Variants in C11orf52 observed in about 807,000 individuals in gnomAD.
C11orf52 encodes the protein chromosome 11 open reading frame 52.
C11orf52 carries 9 observed loss-of-function variants against 11.7 expected under a neutral mutation model. That is an observed-to-expected ratio of 0.77 (90% CI 0.46 to 1.34). C11orf52 has a LOEUF of 1.34. Among genes scored for constraint, C11orf52 ranks in the 40% most tolerant of loss-of-function variants. The pLI is 0.00. For missense variants in C11orf52, 139 were observed against 154.8 expected (o/e 0.90, Z 0.54); for synonymous variants, 49 against 57.4 (o/e 0.85, Z 0.66).
chr11:111,926,318 T>A lies in C11orf52; in HGVS notation c.*119T>A, dbSNP rs1965808826. 3 of 1,453,772 alleles carry A rather than the reference T, an allele frequency of 2.1e-6. 1 individual carries two copies. In the South Asian group the frequency reaches 4.0e-5, roughly 19 times the overall value. 90.1% of individuals were successfully genotyped at this position (1,453,772 alleles called of 1,614,324 possible). ...TGTCCACGTTTTAAGCTTAAAGAAC[T>A]CCAAAGCCCCTGGAATTGTGGGCGT... On this transcript the variant is annotated 3_prime_UTR_variant, in exon 4 of 4. Transcript: ENST00000278601.
intron 2 of C11orf52, 146 bp from the exon 3 acceptor site, chr11:111,925,507 C>A: frequency 1.3e-6 from 1 of 778,254 alleles, no homozygotes; most frequent in Non-Finnish European, 2.1e-6. Flanking sequence ...TTGGATTTAG[C>A]ACTAGTAGAC....
chr11:111,925,862 G>T (rs1320780539), intron 3 of C11orf52, 98 bp from the exon 4 acceptor site: 18 of 1,584,118 alleles, frequency 1.1e-5, no homozygotes, highest in Non-Finnish European at 1.5e-5. Flanking sequence ...TTGCTCAAAG[G>T]AGCAAAGCGA....
intron 1 of C11orf52, among the ~76,000 whole-genome samples, chr11:111,923,139 A>G (rs1347102945): frequency 6.6e-6 from 1 of 152,242 alleles, no homozygotes; most frequent in African/African-American, 2.4e-5. Context: ...GTGGCAAAGA[A>G]TTAGAAGATT....
intron 1 of C11orf52, among the ~76,000 whole-genome samples, chr11:111,923,540 A>G (rs587658415): frequency 8.5e-5 from 13 of 152,322 alleles, no homozygotes; most frequent in African/African-American, 2.9e-4. Context: ...ATCCGGAGTA[A>G]GCCCCAAACT....
intron 1 of C11orf52, chr11:111,923,606 C>A (rs587609146): frequency 3.3e-5 from 5 of 152,326 alleles, no homozygotes; most frequent in Admixed American, 1.3e-4. Flanking sequence ...AGTTAACAAT[C>A]ACGTAGACAC....
chr11:111,924,548 A>G (rs1965755448), intron 2 of C11orf52, among the ~76,000 whole-genome samples, 185 bp downstream of exon 2: 1 of 152,210 alleles, frequency 6.6e-6, no homozygotes, highest in Non-Finnish European at 1.5e-5. Context: ...TATCCTTTCC[A>G]TTATTTCAGA....
chr11:111,922,498 A>C (rs1372349021), intron 1 of C11orf52, among the ~76,000 whole-genome samples: 1 of 152,240 alleles, frequency 6.6e-6, no homozygotes, highest in African/African-American at 2.4e-5. Context: ...CCATAAATAA[A>C]GCACCCAGAG....
chr11:111,923,833 G>T (rs2137403038), intron 1 of C11orf52: 1 of 152,292 alleles, frequency 6.6e-6, no homozygotes, highest in African/African-American at 2.4e-5. Context: ...TTAAGAAAGG[G>T]CCTTGAGGGG....
At chr11:111,921,048 G>A (rs587772400) in intron 1 of C11orf52, among the ~76,000 whole-genome samples, 25 of 152,278 alleles carry the variant, frequency 1.6e-4, no homozygotes, top group South Asian at 1.5e-3. Context: ...CTGCCATGCC[G>A]TAAATTCCTG....
At chr11:111,920,460 CT>C (rs1555166446) in intron 1 of C11orf52, among the ~76,000 whole-genome samples, 1 of 151,886 alleles carries the variant, frequency 6.6e-6, no homozygotes, top group African/African-American at 2.4e-5. Flanking sequence ...ATCCCTTAAG[CT>C]TGGGAGACAG....
At position 111,926,743 on chromosome 11, in the gene C11orf52, A is replaced by C. The variant is rs1447545581; in HGVS notation, c.*544A>C. ...ATGGGGGAAGGGGGCTGAGGCGTGG[A>C]GGAAACGCTTTCAGGACCTCAAGTC... On this transcript the variant is annotated 3_prime_UTR_variant, in exon 4 of 4. Coordinates refer to ENST00000278601, the MANE Select transcript of C11orf52 (RefSeq NM_080659.3). 6.3e-6 allele frequency: 1 copy of C among 159,250 alleles called. No individual in the cohort carries two copies. The highest frequency in any genetic ancestry group is 1.4e-5 in the Non-Finnish European group (1 of 72,008). 9.9% of individuals were successfully genotyped at this position (159,250 alleles called of 1,614,324 possible). A position where few individuals can be genotyped will look rare whatever the true frequency, so the allele number is the denominator to read the frequency against.
intron 2 of C11orf52, among the ~76,000 whole-genome samples, chr11:111,925,147 C>T (rs111750951): frequency 0.038 from 5,797 of 151,116 alleles, 344 homozygotes; most frequent in African/African-American, 0.13. Flanking sequence ...AAGCAAAGTT[C>T]ACAAGTCAGC....
chr11:111,919,243 G>A (rs1054682126), intron 1 of C11orf52: 8 of 535,032 alleles, frequency 1.5e-5, no homozygotes, highest in Non-Finnish European at 2.4e-5. Flanking sequence ...GGGAGGCCGA[G>A]GCCGGCGGAT....
At chr11:111,925,900 T>C (rs782333478) in intron 3 of C11orf52, 60 bp from the exon 4 acceptor site, 4 of 1,606,390 alleles carry the variant, frequency 2.5e-6, no homozygotes, top group Non-Finnish European at 3.4e-6. Flanking sequence ...TGCCCCTGCA[T>C]TGGAGGTGAG....
Position 111,924,319 on chromosome 11 carries a change from A to G in C11orf52, c.33-7A>G. The G allele has an allele frequency of 4.3e-6, 7 of 1,613,158 alleles. No homozygotes were observed. Among genetic ancestry groups the G allele is most frequent in the Non-Finnish European group, 5.9e-6 (7 of 1,179,606 alleles). ...TGCACATGGGTGATCTGTTTTTCCT[A>G]TTACAGGAGCTGCCCATCAACTTTC... is the stretch of plus-strand genomic sequence containing the variant. On this transcript the variant is annotated splice_polypyrimidine_tract_variant and splice_region_variant and intron_variant, in intron 1 of 3. Transcript: ENST00000278601.
At chr11:111,924,798 G>C (rs1965759619) in intron 2 of C11orf52, among the ~76,000 whole-genome samples, 1 of 152,202 alleles carries the variant, frequency 6.6e-6, no homozygotes, top group Non-Finnish European at 1.5e-5. Flanking sequence ...GGAGAATTGA[G>C]AGAAGACACT....
intron 1 of C11orf52, among the ~76,000 whole-genome samples, chr11:111,922,953 G>A (rs898740659): frequency 4.6e-5 from 7 of 152,104 alleles, no homozygotes; most frequent in Admixed American, 1.3e-4. Context: ...AAATCCCATC[G>A]CCTGTGTATC....
intron 2 of C11orf52, among the ~76,000 whole-genome samples, chr11:111,925,282 T>C (rs1965772053): frequency 6.6e-6 from 1 of 152,100 alleles, no homozygotes; most frequent in South Asian, 2.1e-4. Flanking sequence ...GTAAGTGTGT[T>C]TACTTATTTT....
At chr11:111,923,154 C>T (rs782450145) in intron 1 of C11orf52, among the ~76,000 whole-genome samples, 16 of 152,256 alleles carry the variant, frequency 1.1e-4, no homozygotes, top group Non-Finnish European at 2.2e-4. Flanking sequence ...AAGATTATCT[C>T]GTTCTTAGGA....
Sources: gnomAD v4.1 joint callset for allele counts (sites outside exome capture counted in the v4.1 genomes callset) on GRCh38, gnomAD v4.1.1 for gene constraint, MANE v1.5 for transcripts, NCBI Gene and HGNC (gene_info 2026-07-23, HGNC 2026-07-21) for gene names.